RP1: variants seen among roughly 807,000 people sequenced by gnomAD.
RP1 encodes the protein RP1 axonemal microtubule associated.
In RP1, 16 loss-of-function variants were observed where a neutral mutation model predicts 14.8. The ratio of observed to expected loss-of-function variants is 1.08; its 90% confidence interval spans 0.73 to 1.65. The LOEUF (loss-of-function observed/expected upper bound fraction) is 1.65. RP1 is among the 40% of genes most tolerant of loss of function. The probability of loss-of-function intolerance (pLI) is 0.00; values close to 1 mark genes in which losing one functional copy is unlikely to be tolerated. For missense variants in RP1, 2,631 were observed against 2,535.0 expected, an observed-to-expected ratio of 1.04 and a Z score of -0.81; for synonymous variants, 876 against 883.6, an observed-to-expected ratio of 0.99 and a Z score of 0.15.
At chr8:54,584,663 T>G (rs1366235539) in intron 1 of RP1, among the ~76,000 whole-genome samples, 1 of 152,222 alleles carries the variant, frequency 6.6e-6, no homozygotes, top group Non-Finnish European at 1.5e-5. Flanking sequence ...TCTAAGGACT[T>G]GCTTTATGAA....
At chr8:54,823,450 C>G (rs1811306533) in intron 24 of RP1, among the ~76,000 whole-genome samples, 1 of 152,132 alleles carries the variant, frequency 6.6e-6, no homozygotes, top group South Asian at 2.1e-4. Flanking sequence ...TGTGCCTCAG[C>G]CTCCTGTGCA....
intron 6 of RP1, among the ~76,000 whole-genome samples, chr8:54,658,344 G>T (rs175845): frequency 2.0e-5 from 3 of 149,686 alleles, no homozygotes; most frequent in Admixed American, 2.0e-4. Flanking sequence ...GAGGTCAGGA[G>T]ATCGAGACCA....
At chr8:54,580,672 G>T (rs1585523769) in intron 1 of RP1, among the ~76,000 whole-genome samples, 1 of 150,056 alleles carries the variant, frequency 6.7e-6, no homozygotes, top group Non-Finnish European at 1.5e-5. Context: ...AGGCTGGAGT[G>T]CAGTGGCACA....
At chr8:54,657,232 G>A (rs904006611) in intron 6 of RP1, among the ~76,000 whole-genome samples, 1 of 151,956 alleles carries the variant, frequency 6.6e-6, no homozygotes, top group Non-Finnish European at 1.5e-5. Context: ...GAAGATGTTC[G>A]CCAGGTGCCC....
At chr8:54,610,924 A>G (rs1805575017) in intron 1 of RP1, among the ~76,000 whole-genome samples, 1 of 152,198 alleles carries the variant, frequency 6.6e-6, no homozygotes, top group South Asian at 2.1e-4. Flanking sequence ...GAGCAGGTCT[A>G]TTGGTAATAA....
intron 3 of RP1, among the ~76,000 whole-genome samples, chr8:54,640,959 C>CT (rs34975591): frequency 0.22 from 27,620 of 128,296 alleles, 3,635 homozygotes; most frequent in East Asian, 0.42. Context: ...TATAAATCTC[C>CT]TTTTTTTTTT....
Position 54,628,842 on chromosome 8 carries a change from T to G in RP1, c.4960T>G (p.Ser1654Ala). Residue 1654 changes from serine to alanine, a missense_variant, in exon 4 of 4, where the codon TCT becomes GCT. Transcript: ENST00000220676. Reference protein sequence around the residue: ...PSFFPGSTRKSQVCPYNSVEF... With the variant: ...PSFFPGSTRKAQVCPYNSVEF... ...TTTTTTTCCTGGGTCTACCCGCAAA[T>G]CTCAGGTTTGTCCTTATAATTCTGT... is the stretch of plus-strand genomic sequence containing the variant. The G allele has an allele frequency of 6.2e-7, 1 of 1,614,032 alleles. No homozygotes were observed. The highest frequency in any genetic ancestry group is 8.5e-7 in the Non-Finnish European group (1 of 1,179,982).
At chr8:54,860,854 G>A in intron 27 of RP1, among the ~76,000 whole-genome samples, 1 of 152,188 alleles carries the variant, frequency 6.6e-6, no homozygotes, top group South Asian at 2.1e-4. Context: ...ATTTGACAAA[G>A]GGACCTGGAA....
chr8:54,673,156 G>A (rs1158936870), intron 7 of RP1, among the ~76,000 whole-genome samples: 2 of 152,228 alleles, frequency 1.3e-5, no homozygotes, highest in South Asian at 2.1e-4. Flanking sequence ...GGATCTGTGC[G>A]TCAACTATCT....
intron 8 of RP1, chr8:54,673,997 T>C (rs1807238164): frequency 8.1e-7 from 1 of 1,232,126 alleles, no homozygotes. Flanking sequence ...TCTGTTCAAA[T>C]CTAGAAAATA....
intron 7 of RP1, among the ~76,000 whole-genome samples, chr8:54,667,171 G>A (rs1039900250): frequency 6.6e-6 from 1 of 152,004 alleles, no homozygotes; most frequent in African/African-American, 2.4e-5. Context: ...GGAGCACACG[G>A]GAGCCATCAT....
intron 24 of RP1, among the ~76,000 whole-genome samples, chr8:54,800,562 CA>C (rs1410607759): frequency 6.6e-6 from 1 of 152,028 alleles, no homozygotes; most frequent in Non-Finnish European, 1.5e-5. Flanking sequence ...TTTCTATTAA[CA>C]AAATCTTTGT....
intron 24 of RP1, among the ~76,000 whole-genome samples, chr8:54,790,133 C>T (rs1810427274): frequency 6.6e-6 from 1 of 152,216 alleles, no homozygotes; most frequent in African/African-American, 2.4e-5. Flanking sequence ...GTGGCTCCAT[C>T]TTGCCAGGAG....
downstream of RP1, chr8:54,770,080 A>G (rs1466560026): frequency 2.3e-6 from 1 of 433,182 alleles, no homozygotes; most frequent in Non-Finnish European, 4.1e-6. Context: ...CAATGTCATC[A>G]GACAGATCTG....
chr8:54,652,108 A>G (rs1420865554), intron 4 of RP1, among the ~76,000 whole-genome samples: 1 of 151,868 alleles, frequency 6.6e-6, no homozygotes, highest in African/African-American at 2.4e-5. Context: ...CCCGAGTTCA[A>G]GCAATTCTCC....
At chr8:54,559,557 T>G (rs1400903315) in intron 1 of RP1, among the ~76,000 whole-genome samples, 1 of 152,178 alleles carries the variant, frequency 6.6e-6, no homozygotes, top group Non-Finnish European at 1.5e-5. Context: ...CCATTTTTCC[T>G]GTGAGGCATT....
In RP1 at chr8:54,589,857, A is replaced by G. The variant is rs1585532336; in HGVS notation, c.-13+30537A>G. ...CTGCCACTGGAATGGACTTAAAATG[A>G]ATGATCTCAAGTACCAAGTGGGCAT... On this transcript the variant is annotated intron_variant, in intron 1 of 22. Transcript: ENST00000636932. 2.0e-5 allele frequency among the ~76,000 whole-genome samples: 3 copies of G among 152,226 alleles called. No individual in the cohort carries two copies. The South Asian group carries it at 6.2e-4, about 32-fold the overall frequency.
exon 29 of RP1, chr8:54,870,015 C>G (rs1376387657): frequency 1.4e-6 from 1 of 723,688 alleles, no homozygotes; most frequent in Non-Finnish European, 1.9e-6. Flanking sequence ...GTGCATTTGT[C>G]TTTTGCTTGG....
chr8:54,853,788 G>T (rs117044262), intron 26 of RP1, among the ~76,000 whole-genome samples: 2 of 96,886 alleles, frequency 2.1e-5, no homozygotes, highest in South Asian at 3.1e-4. Flanking sequence ...GGAAGAGAAA[G>T]AAAGAGAGAG....
Sources: allele counts gnomAD v4.1 joint callset (sites outside exome capture counted in the v4.1 genomes callset), GRCh38; gene constraint gnomAD v4.1.1; transcripts MANE v1.5; gene names NCBI Gene and HGNC (gene_info 2026-07-23, HGNC 2026-07-21).